The following KIF2C variants were observed in gnomAD, a reference collection of about 807,000 sequenced individuals.
KIF2C encodes kinesin family member 2C, also known as kinesin-like protein KIF2C.
KIF2C carries 34 observed loss-of-function variants against 97.4 expected under a neutral mutation model. The observed-to-expected ratio is 0.35, with a 90% CI of 0.27 to 0.46. The LOEUF is 0.46. Ranked by LOEUF, KIF2C falls within the 20% of genes least tolerant of loss-of-function variation. The pLI is 1.00. For synonymous variants in KIF2C, 313 were observed against 318.2 expected (o/e 0.98, Z 0.17); for missense variants, 750 against 907.6 (o/e 0.83, Z 2.23).
At chr1:44,756,050 C>A (rs773866490) in intron 9 of KIF2C, 25 bp from the exon 10 acceptor site, 75 of 1,613,806 alleles carry the variant, frequency 4.6e-5, no homozygotes, top group Non-Finnish European at 6.3e-5. Flanking sequence ...CAGGGAGCAC[C>A]CCCTGAAATA....
intron 2 of KIF2C, among the ~76,000 whole-genome samples, chr1:44,742,941 A>G (rs1649009724): frequency 6.6e-6 from 1 of 152,200 alleles, no homozygotes; most frequent in East Asian, 1.9e-4. Flanking sequence ...AGAGCAGCTC[A>G]GAGGTGGAAA....
chr1:44,760,550 C>T lies in KIF2C; in HGVS notation c.1573-42C>T. The stretch of plus-strand genomic sequence containing the variant: ...GGGAAGGGATGGGGAGGGATCAGTG[C>T]AAGGAAAGAAGGGACCTCAGTTGTT... On this transcript the variant is annotated intron_variant, in intron 15 of 20. Transcript: ENST00000372224. The surrounding 1 kb of genome is among the most constrained non-coding windows in gnomAD (Gnocchi z 4.2). 1 of 1,611,360 alleles carries T rather than the reference C, an allele frequency of 6.2e-7. No homozygotes were observed. Among genetic ancestry groups the T allele is most frequent in the Non-Finnish European group, 8.5e-7 (1 of 1,178,196 alleles).
In KIF2C at chr1:44,760,304, C is replaced by T; in HGVS notation, c.1392C>T (p.Asn464=). The change falls in exon 15 of 21, where the codon AAC becomes AAT. Residue 464 remains asparagine, a synonymous_variant. Transcript: ENST00000372224. The surrounding 1 kb of genome is among the most constrained non-coding windows in gnomAD (Gnocchi z 4.2). Reference sequence around the variant, plus strand: ...GAACCTCTGGGCAGACATTTGCCAACTCCAATTCCTCCCGCTCCCACGCGT... The same window carrying T: ...GAACCTCTGGGCAGACATTTGCCAATTCCAATTCCTCCCGCTCCCACGCGT... ...ACRTSGQTFA[N]SNSSRSHACF... 1.2e-6 allele frequency: 2 copies of T among 1,614,108 alleles called. No homozygotes were observed. Among genetic ancestry groups the T allele is most frequent in the Non-Finnish European group, 1.7e-6 (2 of 1,180,030 alleles).
chr1:44,741,188 TCC>T (rs1648918053), intron 2 of KIF2C, among the ~76,000 whole-genome samples, 181 bp downstream of exon 2: 1 of 151,618 alleles, frequency 6.6e-6, no homozygotes, highest in African/African-American at 2.4e-5. Flanking sequence ...TTCGAGACCA[TCC>T]TGGCCAACAT....
rs747965236 is a variant in KIF2C, at chr1:44,739,891, T to A, written c.-42T>A. The A allele has an allele frequency of 6.4e-7, 1 of 1,570,014 alleles. No individual in the cohort carries two copies. Among genetic ancestry groups the A allele is most frequent in the Non-Finnish European group, 8.8e-7 (1 of 1,139,914 alleles). On this transcript the variant is annotated 5_prime_UTR_variant, in exon 1 of 21. Coordinates refer to ENST00000372224, the MANE Select transcript of KIF2C (RefSeq NM_006845.4). ...CTTCGTAGGGTTAGCGAAATTGAGG[T>A]TTCTTGGTATTGCGCGTTTCTCTTC...
chr1:44,760,779 C>A lies in KIF2C; in HGVS notation c.1683+77C>A. On this transcript the variant is annotated intron_variant, in intron 16 of 20. Coordinates refer to ENST00000372224, the MANE Select transcript of KIF2C (RefSeq NM_006845.4). This position sits in a 1 kb window ranked among gnomAD's most constrained non-coding sequence, Gnocchi z 4.2. ...TCCACAGAGACACTTAGTCCTGTCC[C>A]TGGGCTGGAAGCTCAGCACTGCTGG... The A allele has an allele frequency of 8.2e-7, 1 of 1,226,110 alleles. No homozygotes were observed. The highest frequency in any genetic ancestry group is 1.2e-6 in the Non-Finnish European group (1 of 843,284). 76.0% of individuals were successfully genotyped at this position (1,226,110 alleles called of 1,614,324 possible).
At chr1:44,758,982 C>A in intron 13 of KIF2C, 1 of 551,546 alleles carries the variant, frequency 1.8e-6, no homozygotes, top group African/African-American at 1.9e-5. Context: ...TTAACTTGCC[C>A]AGGCTCACAC....
intron 6 of KIF2C, 93 bp from the exon 7 acceptor site, chr1:44,753,640 G>A (rs1489464183): frequency 1.2e-6 from 1 of 802,896 alleles, no homozygotes; most frequent in Admixed American, 2.7e-5. Context: ...GAAAGGCCCA[G>A]TACTCAGTAA....
At chr1:44,766,441 G>A (rs868598391) in intron 19 of KIF2C, among the ~76,000 whole-genome samples, 18 of 151,542 alleles carry the variant, frequency 1.2e-4, no homozygotes, top group South Asian at 4.2e-4. Flanking sequence ...GAGAAACCCC[G>A]TCTCTACTAA....
In KIF2C at chr1:44,766,952, G is replaced by A. The variant is rs1435993475; in HGVS notation, c.2095+3G>A. Reference sequence around the variant, plus strand: ...CAAGCATTTCTCAGCCCTGCGAGGTGGGTGTGGCTGGATGGGGTGCAGGTG... The same window carrying A: ...CAAGCATTTCTCAGCCCTGCGAGGTAGGTGTGGCTGGATGGGGTGCAGGTG... On this transcript the variant is annotated splice_donor_region_variant and intron_variant, in intron 20 of 20. Coordinates refer to ENST00000372224, the MANE Select transcript of KIF2C (RefSeq NM_006845.4). 6.8e-6 allele frequency: 11 copies of A among 1,614,068 alleles called. No homozygotes were observed. Among genetic ancestry groups the A allele is most frequent in the African/African-American group, 1.3e-5 (1 of 74,942 alleles).
chr1:44,764,814 T>C (rs757911175), intron 19 of KIF2C, among the ~76,000 whole-genome samples: 23 of 152,150 alleles, frequency 1.5e-4, no homozygotes, highest in Non-Finnish European at 3.4e-4. Context: ...CAGTCGTATA[T>C]CTATTATTTA....
intron 4 of KIF2C, among the ~76,000 whole-genome samples, chr1:44,749,204 G>A (rs754351399): frequency 4.6e-5 from 7 of 152,090 alleles, no homozygotes; most frequent in East Asian, 1.9e-4. Flanking sequence ...AGGCCAAGGC[G>A]GGTGGATCAC....
At chr1:44,741,494 G>A (rs1648934465) in intron 2 of KIF2C, among the ~76,000 whole-genome samples, 1 of 151,988 alleles carries the variant, frequency 6.6e-6, no homozygotes, top group Non-Finnish European at 1.5e-5. Context: ...AGACCAGCCT[G>A]GGAAAAATGT....
At position 44,759,191 on chromosome 1, in the gene KIF2C, C is replaced by A; in HGVS notation, c.1225-15C>A. Reference sequence around the variant, plus strand: ...TGCCCAGTGGCCTTAGCCTCATTCCCCCTGCCTGGCACAGCTGTTTGACCT... The same window carrying A: ...TGCCCAGTGGCCTTAGCCTCATTCCACCTGCCTGGCACAGCTGTTTGACCT... On this transcript the variant is annotated splice_polypyrimidine_tract_variant and intron_variant, in intron 13 of 20. Coordinates refer to ENST00000372224, the MANE Select transcript of KIF2C (RefSeq NM_006845.4). 1 of 1,613,692 alleles carries A rather than the reference C, an allele frequency of 6.2e-7. No homozygotes were observed. The highest frequency in any genetic ancestry group is 1.7e-5 in the Admixed American group (1 of 59,994).
chr1:44,751,563 C>T (rs1357192731), intron 5 of KIF2C, among the ~76,000 whole-genome samples: 1 of 144,862 alleles, frequency 6.9e-6, no homozygotes, highest in Non-Finnish European at 1.5e-5. Flanking sequence ...GGCTGGAGGG[C>T]AATGACGCTA....
chr1:44,757,899 C>G lies in KIF2C; in HGVS notation c.1069-9C>G. ...CTTTTCCATGGTCTTCTACCCCTTC[C>G]CTTTGCAGACTATGGGCGGAGACCT... is the stretch of plus-strand genomic sequence containing the variant. On this transcript the variant is annotated splice_polypyrimidine_tract_variant and intron_variant, in intron 11 of 20. Transcript: ENST00000372224. The G allele has an allele frequency of 6.2e-7, 1 of 1,613,934 alleles. No homozygotes were observed. The highest frequency in any genetic ancestry group is 8.5e-7 in the Non-Finnish European group (1 of 1,179,936).
At chr1:44,751,016 A>C (rs868640188) in intron 5 of KIF2C, among the ~76,000 whole-genome samples, 1 of 152,192 alleles carries the variant, frequency 6.6e-6, no homozygotes, top group Non-Finnish European at 1.5e-5. Flanking sequence ...TTGAGTATAT[A>C]GTTCAGTGAA....
chr1:44,761,471 G>A lies in KIF2C; in HGVS notation c.1684-445G>A, dbSNP rs536416299. On this transcript the variant is annotated intron_variant, in intron 16 of 20. Transcript: ENST00000372224. ...AAAATAAAAAAAATTAGCCAGGTGT[G>A]GTGGCAGGTGCCTGTAGTCCCAGCT... is the stretch of plus-strand genomic sequence containing the variant. Among the ~76,000 whole-genome samples the A allele has an allele frequency of 2.6e-5, 4 of 152,200 alleles. No homozygotes were observed. In the South Asian group the frequency reaches 8.3e-4, roughly 32 times the overall value.
chr1:44,753,205 G>C lies in KIF2C; in HGVS notation c.513G>C (p.Glu171Asp). The stretch of plus-strand genomic sequence containing the variant: ...GGATGGTCAGCGAGGAGATGGAAGA[G>C]CAAGTCCATTCCATCCGAGGCAGCT... ...PLRMVSEEMEEQVHSIRGSSS... is the reference protein window; with the variant it reads ...PLRMVSEEMEDQVHSIRGSSS... The change falls in exon 6 of 21, where the codon GAG (glutamate) becomes GAC (aspartate). Residue 171 changes from glutamate (E) to aspartate (D), a missense_variant. Coordinates refer to ENST00000372224, the MANE Select transcript of KIF2C (RefSeq NM_006845.4). 1 of 1,614,050 alleles carries C rather than the reference G, an allele frequency of 6.2e-7. No homozygotes were observed.
Sources: gnomAD v4.1 joint callset for allele counts (sites outside exome capture counted in the v4.1 genomes callset) on GRCh38, gnomAD v4.1.1 for gene constraint, Gnocchi (gnomAD v3.1) non-coding constraint, MANE v1.5 for transcripts, NCBI Gene and HGNC (gene_info 2026-07-23, HGNC 2026-07-21) for gene names.